MIA2: variants seen among roughly 807,000 people sequenced by gnomAD.
MIA2 encodes the protein MIA SH3 domain ER export factor 2, also known as melanoma inhibitory activity protein 2.
MIA2 carries 127 observed loss-of-function variants against 167.8 expected under a neutral mutation model. The ratio of observed to expected loss-of-function variants is 0.76; its 90% confidence interval spans 0.66 to 0.88. The LOEUF is 0.88. MIA2 is among the 40% of genes least tolerant of loss of function. The probability of loss-of-function intolerance (pLI) is 0.00; values close to 1 mark genes in which losing one functional copy is unlikely to be tolerated. For synonymous variants in MIA2, 552 were observed against 541.9 expected, an observed-to-expected ratio of 1.02 and a Z score of -0.26; for missense variants, 1,690 against 1,624.7, an observed-to-expected ratio of 1.04 and a Z score of -0.69.
At chr14:39,285,997 A>G (rs2059718599) in intron 9 of MIA2, among the ~76,000 whole-genome samples, 1 of 151,680 alleles carries the variant, frequency 6.6e-6, no homozygotes, top group South Asian at 2.1e-4. Flanking sequence ...CACATCCTAG[A>G]CGATGGGCGG....
In MIA2 at chr14:39,313,357, A is replaced by G. The variant is rs571860721; in HGVS notation, c.3035A>G (p.Glu1012Gly). The change falls in exon 19 of 29, where the codon GAA becomes GGA. Residue 1012 changes from glutamate (E) to glycine (G), a missense_variant. By Grantham distance (98) the Glu-to-Gly change is moderately conservative (BLOSUM62 -2). Coordinates refer to ENST00000640607, the MANE Select transcript of MIA2 (RefSeq NM_001329214.4). ...TTTTTAAGGAAATTAACAGTAGAGG[A>G]AAATTATCGGTTAGAGAAAGAAGAG... ...MKLHRKLTVEENYRLEKEEKL... is the reference protein window; with the variant it reads ...MKLHRKLTVEGNYRLEKEEKL... The G allele has an allele frequency of 6.3e-7, 1 of 1,591,672 alleles. No homozygotes were observed. Among genetic ancestry groups the G allele is most frequent in the Non-Finnish European group, 8.6e-7 (1 of 1,167,558 alleles).
At chr14:39,354,817 A>T (rs1273032007), downstream of MIA2, among the ~76,000 whole-genome samples, 4 of 152,140 alleles carry the variant, frequency 2.6e-5, no homozygotes, top group African/African-American at 4.8e-5. Context: ...TTAAATAGAG[A>T]ATCCTTTCCC....
At chr14:39,349,409 A>G (rs2074066682) in intron 28 of MIA2, among the ~76,000 whole-genome samples, 2 of 152,218 alleles carry the variant, frequency 1.3e-5, no homozygotes, top group South Asian at 4.1e-4. Context: ...TTTAAAACTT[A>G]AAATGTATTT....
At chr14:39,262,299 C>T (rs559993014) in intron 6 of MIA2, among the ~76,000 whole-genome samples, 6 of 152,258 alleles carry the variant, frequency 3.9e-5, no homozygotes, top group Admixed American at 2.6e-4. Flanking sequence ...TTGTTTTTGT[C>T]AGGTTTGTCA....
intron 23 of MIA2, chr14:39,370,654 G>T: frequency 3.4e-6 from 1 of 296,938 alleles, no homozygotes; most frequent in Non-Finnish European, 6.8e-6. Flanking sequence ...CGAGTCTGTC[G>T]CACGTGCTGC....
intron 18 of MIA2, among the ~76,000 whole-genome samples, chr14:39,313,085 TAA>T (rs2064637874): frequency 6.6e-6 from 1 of 152,150 alleles, no homozygotes; most frequent in Non-Finnish European, 1.5e-5. Flanking sequence ...ATTTTTAAGA[TAA>T]ATTTATATAG....
chr14:39,283,432 GTTTT>G (rs534613066), intron 9 of MIA2, among the ~76,000 whole-genome samples: 2 of 151,368 alleles, frequency 1.3e-5, no homozygotes, highest in Non-Finnish European at 2.9e-5. Flanking sequence ...ACTGAATTCA[GTTTT>G]TTTTTCTCAT....
intron 23 of MIA2, among the ~76,000 whole-genome samples, chr14:39,358,833 C>T (rs1205013164): frequency 6.6e-6 from 1 of 152,164 alleles, no homozygotes; most frequent in Non-Finnish European, 1.5e-5. Flanking sequence ...ACCCTGTTTG[C>T]CTGGGTATCA....
At chr14:39,356,709 A>C (rs919270739) in intron 23 of MIA2, among the ~76,000 whole-genome samples, 3 of 152,188 alleles carry the variant, frequency 2.0e-5, no homozygotes, top group Non-Finnish European at 2.9e-5. Context: ...ATTTCCCTCT[A>C]CACACTGCTT....
At chr14:39,316,751 C>T (rs1473212578) in intron 21 of MIA2, among the ~76,000 whole-genome samples, 2 of 152,010 alleles carry the variant, frequency 1.3e-5, no homozygotes, top group Non-Finnish European at 2.9e-5. Context: ...TTTAGTTAAC[C>T]ACTGCTCACC....
chr14:39,295,358 AG>A (rs2061282411), intron 13 of MIA2, among the ~76,000 whole-genome samples: 1 of 152,206 alleles, frequency 6.6e-6, no homozygotes, highest in African/African-American at 2.4e-5. Flanking sequence ...GTCTAAAGAT[AG>A]AAACAATTCT....
chr14:39,313,068 T>A (rs1182625352), intron 18 of MIA2, among the ~76,000 whole-genome samples: 1 of 152,120 alleles, frequency 6.6e-6, no homozygotes, highest in Non-Finnish European at 1.5e-5. Flanking sequence ...AATATATCTT[T>A]GATCCTATTT....
chr14:39,265,111 A>G (rs1391094886), intron 6 of MIA2, among the ~76,000 whole-genome samples: 3 of 152,044 alleles, frequency 2.0e-5, no homozygotes, highest in Admixed American at 6.6e-5. Flanking sequence ...GAGGGTAGTA[A>G]TATGTACATT....
At chr14:39,238,865 T>C (rs1328264867) in intron 2 of MIA2, among the ~76,000 whole-genome samples, 6 of 150,768 alleles carry the variant, frequency 4.0e-5, no homozygotes, top group Non-Finnish European at 8.8e-5. Context: ...CCCGAAGCTT[T>C]AGTATGCTGA....
At chr14:39,311,467 T>A (rs1374462356) in intron 18 of MIA2, among the ~76,000 whole-genome samples, 1 of 4,462 alleles carries the variant, frequency 2.2e-4, no homozygotes, top group African/African-American at 9.1e-4. Context: ...GATGTGTTGC[T>A]TTTTTTTTTT....
chr14:39,349,654 T>A (rs2074113691), intron 28 of MIA2, among the ~76,000 whole-genome samples: 1 of 152,156 alleles, frequency 6.6e-6, no homozygotes, highest in Non-Finnish European at 1.5e-5. Context: ...ATGAATTTTG[T>A]TTGGGGAAAT....
At chr14:39,340,604 A>C (rs1031011714) in intron 25 of MIA2, among the ~76,000 whole-genome samples, 1 of 152,198 alleles carries the variant, frequency 6.6e-6, no homozygotes, top group Non-Finnish European at 1.5e-5. Flanking sequence ...AGTTTGTCTT[A>C]AGGCTCATTT....
intron 3 of MIA2, among the ~76,000 whole-genome samples, chr14:39,244,665 GT>G (rs1371737424): frequency 6.6e-6 from 1 of 152,070 alleles, no homozygotes; most frequent in African/African-American, 2.4e-5. Context: ...TAAAAAAAAA[GT>G]CTTCATCATG....
In MIA2 at chr14:39,258,752, C is replaced by T. The variant is rs527616692; in HGVS notation, c.1887+5581C>T. Among the ~76,000 whole-genome samples, 11 of 152,252 alleles carry T rather than the reference C, an allele frequency of 7.2e-5. No individual in the cohort carries two copies. In the South Asian group the frequency reaches 2.3e-3, roughly 32 times the overall value. ...TACTTCTGATCTTTGAGGCTGGTGA[C>T]CTTTGGATGGGGTTTTTGTGTGGGG... On this transcript the variant is annotated intron_variant, in intron 6 of 28. Transcript: ENST00000640607.
Sources: allele counts gnomAD v4.1 joint callset (sites outside exome capture counted in the v4.1 genomes callset), GRCh38; gene constraint gnomAD v4.1.1; transcripts MANE v1.5; gene names NCBI Gene and HGNC (gene_info 2026-07-23, HGNC 2026-07-21).